LRIG1: variants seen among roughly 807,000 people sequenced by gnomAD.
The protein encoded by LRIG1 is leucine rich repeats and immunoglobulin like domains 1, also known as leucine-rich repeats and immunoglobulin-like domains protein 1.
A neutral mutation model predicts 99.2 loss-of-function variants in LRIG1; 48 were observed. That is an observed-to-expected ratio of 0.48 (90% CI 0.38 to 0.62). The LOEUF is 0.62. Ranked by LOEUF, LRIG1 falls within the 20% of genes least tolerant of loss-of-function variation. The probability of loss-of-function intolerance (pLI) is 0.00; values close to 1 mark genes in which losing one functional copy is unlikely to be tolerated. For missense variants in LRIG1, 1,646 were observed against 1,434.4 expected (o/e 1.15, Z -2.38); for synonymous variants, 772 against 596.1 (o/e 1.29, Z -4.30).
chr3:66,456,579 A>G (rs1390819881), intron 2 of LRIG1, among the ~76,000 whole-genome samples: 34 of 134,224 alleles, frequency 2.5e-4, no homozygotes, highest in South Asian at 2.3e-3. Context: ...TCTTAAAAAA[A>G]AAAAAAAAAA....
intron 1 of LRIG1, among the ~76,000 whole-genome samples, chr3:66,497,424 T>A (rs1181933721): frequency 6.6e-6 from 1 of 152,098 alleles, no homozygotes; most frequent in African/African-American, 2.4e-5. Context: ...TTCTGGGAAG[T>A]TGGAATAAGG....
rs772566555 is a variant in LRIG1 at position 66,380,252 on chromosome 3, G to A, written c.*11C>T. On this transcript the variant is annotated 3_prime_UTR_variant, in exon 19 of 19. Coordinates refer to ENST00000273261, the MANE Select transcript of LRIG1 (RefSeq NM_015541.3). ...AGAGATTGGTATGACAAGAACTGAG[G>A]TAGACAAAACCTAGCTTTTTGGTGC... The A allele has an allele frequency of 5.6e-6, 9 of 1,604,530 alleles. No individual in the cohort carries two copies. Among genetic ancestry groups the A allele is most frequent in the Non-Finnish European group, 6.8e-6 (8 of 1,174,154 alleles).
intron 1 of LRIG1, among the ~76,000 whole-genome samples, chr3:66,494,786 A>G (rs929033724): frequency 1.3e-5 from 2 of 152,226 alleles, no homozygotes; most frequent in African/African-American, 2.4e-5. Flanking sequence ...GACCATCAAT[A>G]AACTGCAAAT....
intron 3 of LRIG1, among the ~76,000 whole-genome samples, chr3:66,419,837 T>TG (rs1702746941): frequency 6.6e-6 from 1 of 152,050 alleles, no homozygotes; most frequent in Non-Finnish European, 1.5e-5. Context: ...CCTGCCCTGG[T>TG]GGGGGCTGGA....
rs144957105 is a variant in LRIG1 at position 66,384,251 on chromosome 3, G to A, written c.1811C>T (p.Thr604Met). ...GGTCCGGATGGTTATGTCGTGGGGC[G>A]TTTTGGTGAATGATGGCAACACTGG... is the stretch of plus-strand genomic sequence containing the variant. Reference protein sequence around the residue: ...TVNVLPSFTKTPHDITIRTTT... With the variant: ...TVNVLPSFTKMPHDITIRTTT... Residue 604 changes from threonine (T) to methionine (M), a missense_variant, in exon 14 of 19, where the codon ACG (threonine) becomes ATG (methionine). By Grantham distance (81) the Thr-to-Met change is moderately conservative. Transcript: ENST00000273261. The A allele has an allele frequency of 2.1e-4, 344 of 1,611,852 alleles. No homozygotes were observed. Among genetic ancestry groups the A allele is most frequent in the African/African-American group, 9.7e-4 (73 of 74,994 alleles).
At chr3:66,425,153 G>T (rs1019801749) in intron 3 of LRIG1, among the ~76,000 whole-genome samples, 8 of 152,224 alleles carry the variant, frequency 5.3e-5, no homozygotes, top group African/African-American at 1.9e-4. Flanking sequence ...GAGGAGCCGG[G>T]ATGCAAGCCC....
chr3:66,480,722 A>G (rs890753377), intron 1 of LRIG1, among the ~76,000 whole-genome samples: 3 of 152,146 alleles, frequency 2.0e-5, no homozygotes, highest in African/African-American at 7.2e-5. Context: ...GCTAGAGTTT[A>G]CCCTCCCACA....
intron 3 of LRIG1, among the ~76,000 whole-genome samples, chr3:66,418,665 A>C (rs1702699858): frequency 6.6e-6 from 1 of 152,212 alleles, no homozygotes. Flanking sequence ...TGGCCAATCA[A>C]AGCATTCTTG....
chr3:66,408,710 C>G (rs1281698583), intron 7 of LRIG1, among the ~76,000 whole-genome samples: 2 of 152,098 alleles, frequency 1.3e-5, no homozygotes, highest in East Asian at 3.9e-4. Flanking sequence ...CCAGGAGTCC[C>G]CTGGTGGGGT....
intron 3 of LRIG1, among the ~76,000 whole-genome samples, chr3:66,422,289 C>A (rs144860229): frequency 6.6e-6 from 1 of 152,210 alleles, no homozygotes; most frequent in Non-Finnish European, 1.5e-5. Context: ...ATTGCATTGT[C>A]AGGCTGCAAA....
chr3:66,419,982 C>A (rs1702752079), intron 3 of LRIG1, among the ~76,000 whole-genome samples: 1 of 152,138 alleles, frequency 6.6e-6, no homozygotes, highest in Admixed American at 6.5e-5. Context: ...ACCCAGCAGC[C>A]AGAGAGACCC....
At chr3:66,425,678 C>G (rs959029445) in intron 3 of LRIG1, among the ~76,000 whole-genome samples, 2 of 152,186 alleles carry the variant, frequency 1.3e-5, no homozygotes, top group Non-Finnish European at 2.9e-5. Flanking sequence ...CCAGACAAAA[C>G]CAGTGATTCT....
chr3:66,438,984 G>T (rs1703454438), intron 3 of LRIG1, among the ~76,000 whole-genome samples: 1 of 152,246 alleles, frequency 6.6e-6, no homozygotes, highest in African/African-American at 2.4e-5. Context: ...GGGAATGGGG[G>T]AAAGTGAAGA....
At position 66,380,492 on chromosome 3, in the gene LRIG1, A is replaced by G; in HGVS notation, c.3056-3T>C. 6.2e-7 allele frequency: 1 copy of G among 1,614,150 alleles called. No individual in the cohort carries two copies. Among genetic ancestry groups the G allele is most frequent in the Non-Finnish European group, 8.5e-7 (1 of 1,179,966 alleles). The stretch of plus-strand genomic sequence containing the variant: ...TGCTAAAGTCCAGGAAGAATCCCCT[A>G]CAAGGAAAGAACGAACCTGTCAGAC... On this transcript the variant is annotated splice_region_variant and splice_polypyrimidine_tract_variant and intron_variant, in intron 18 of 18. Transcript: ENST00000273261.
intron 4 of LRIG1, 22 bp downstream of exon 4, chr3:66,417,107 G>C (rs765590096): frequency 6.2e-7 from 1 of 1,611,280 alleles, no homozygotes; most frequent in Non-Finnish European, 8.5e-7. Flanking sequence ...CCAGCCACAG[G>C]TGGCAGAACA....
At chr3:66,480,158 C>T (rs561812121) in intron 1 of LRIG1, among the ~76,000 whole-genome samples, 1 of 152,166 alleles carries the variant, frequency 6.6e-6, no homozygotes, top group South Asian at 2.1e-4. Context: ...TGATACCTGC[C>T]ATAATATGGA....
chr3:66,387,209 G>A (rs1481222876), intron 12 of LRIG1: 1 of 151,706 alleles, frequency 6.6e-6, no homozygotes, highest in Non-Finnish European at 1.5e-5. Flanking sequence ...AAACTATAAA[G>A]GAAAATGTGG....
chr3:66,499,247 A>G (rs770208679), intron 1 of LRIG1, among the ~76,000 whole-genome samples: 1 of 152,232 alleles, frequency 6.6e-6, no homozygotes, highest in Non-Finnish European at 1.5e-5. Context: ...ATCTCCTGTA[A>G]GAAGTGTCCC....
Position 66,380,115 on chromosome 3 carries a change from A to C in LRIG1, c.*148T>G. On this transcript the variant is annotated 3_prime_UTR_variant, in exon 19 of 19. Transcript: ENST00000273261. ...TCCCCTCTTGCGTTTACTGTGCTTC[A>C]GATCCAAGTCCTGTGAGCGACTGAT... The C allele has an allele frequency of 1.6e-6, 1 of 629,178 alleles. No individual in the cohort carries two copies. Among genetic ancestry groups the C allele is most frequent in the South Asian group, 2.3e-5 (1 of 43,028 alleles). 39.0% of individuals were successfully genotyped at this position (629,178 alleles called of 1,614,324 possible).
Sources: allele counts gnomAD v4.1 joint callset (sites outside exome capture counted in the v4.1 genomes callset), GRCh38; gene constraint gnomAD v4.1.1; transcripts MANE v1.5; gene names NCBI Gene and HGNC (gene_info 2026-07-23, HGNC 2026-07-21).